H2AZ2: variants seen among roughly 807,000 people sequenced by gnomAD.
H2AZ2 encodes histone H2A.V.
H2AZ2 carries 5 observed loss-of-function variants against 15.5 expected under a neutral mutation model. That is an observed-to-expected ratio of 0.32 (90% CI 0.17 to 0.68). The LOEUF is 0.68. Ranked by LOEUF, H2AZ2 falls within the 30% of genes least tolerant of loss-of-function variation. The pLI, the probability that H2AZ2 is intolerant of heterozygous loss-of-function variation, is 0.72. For missense variants in H2AZ2, 42 were observed against 162.5 expected, an observed-to-expected ratio of 0.26 and a Z score of 4.03; for synonymous variants, 44 against 57.4, an observed-to-expected ratio of 0.77 and a Z score of 1.05.
chr7:44,838,640 G>C (rs1793191910), intron 3 of H2AZ2, among the ~76,000 whole-genome samples: 1 of 152,088 alleles, frequency 6.6e-6, no homozygotes, highest in Non-Finnish European at 1.5e-5. Context: ...GAGACAGAGA[G>C]AGATCCTGTC....
rs370336288 is a variant in H2AZ2 at position 44,833,290 on chromosome 7, T to C, written c.*1211A>G. Among the ~76,000 whole-genome samples, 5 of 152,310 alleles carry C rather than the reference T, an allele frequency of 3.3e-5. No homozygotes were observed. The East Asian group carries it at 9.7e-4, about 29-fold the overall frequency. On this transcript the variant is annotated 3_prime_UTR_variant, in exon 5 of 5. Transcript: ENST00000308153. ...GCTCAGTCGCCAAGCTGGAGTGCAG[T>C]GGCGCCATCTTGGCTCACTGCAAGC... is the stretch of plus-strand genomic sequence containing the variant.
intron 3 of H2AZ2, among the ~76,000 whole-genome samples, chr7:44,837,597 C>A (rs1793160186): frequency 6.7e-6 from 1 of 149,564 alleles, no homozygotes; most frequent in Non-Finnish European, 1.5e-5. Context: ...GTCAGGTAAT[C>A]ATCCCACCTC....
chr7:44,839,868 T>C (rs970741829), intron 3 of H2AZ2, among the ~76,000 whole-genome samples: 1 of 151,186 alleles, frequency 6.6e-6, no homozygotes, highest in Non-Finnish European at 1.5e-5. Context: ...CCGGGTGTAG[T>C]GGCGGGTGCC....
At position 44,837,028 on chromosome 7, in the gene H2AZ2, AAAC is replaced by A. The variant is rs201653137; in HGVS notation, c.196-1373_196-1371del. ...AAAACAAAAACAAAAACAAAAAACA[AAAC>A]AACAAAAAAAACAGACACAGGGTTT... On this transcript the variant is annotated intron_variant, in intron 3 of 4. Transcript: ENST00000308153. Among the ~76,000 whole-genome samples the A allele has an allele frequency of 7.7e-4, 116 of 150,564 alleles. No individual in the cohort carries two copies. The East Asian group carries it at 0.012, about 16-fold the overall frequency.
rs1453408986 is a variant in H2AZ2 at position 44,832,270 on chromosome 7, T to C, written c.*2231A>G. ...TTGGCATCAAAAAATGTTTTAGCAG[T>C]CTTACACAATGGTATTGTGGTTATG... On this transcript the variant is annotated 3_prime_UTR_variant, in exon 5 of 5. Coordinates refer to ENST00000308153, the MANE Select transcript of H2AZ2 (RefSeq NM_012412.5). Among the ~76,000 whole-genome samples the C allele has an allele frequency of 6.6e-6, 1 of 152,148 alleles. No individual in the cohort carries two copies. Among genetic ancestry groups the C allele is most frequent in the South Asian group, 2.1e-4 (1 of 4,832 alleles).
At chr7:44,847,042 A>G (rs1793429156) in intron 1 of H2AZ2, among the ~76,000 whole-genome samples, 1 of 152,204 alleles carries the variant, frequency 6.6e-6, no homozygotes, top group Non-Finnish European at 1.5e-5. Flanking sequence ...ATCTAATACT[A>G]TCTGCAGTAT....
rs1793464427 is a variant in H2AZ2 at position 44,848,085 on chromosome 7, C to CG, written c.-115dup. Reference sequence around the variant, plus strand: ...CCGCCGCCGGAGCCGGACAATACCCCGTGCCCGCCTCGCGCTGCTGTGGCC... The same window carrying CG: ...CCGCCGCCGGAGCCGGACAATACCCCGGTGCCCGCCTCGCGCTGCTGTGGCC... On this transcript the variant is annotated 5_prime_UTR_variant, in exon 1 of 5. Coordinates refer to ENST00000308153, the MANE Select transcript of H2AZ2 (RefSeq NM_012412.5). 3.6e-6 allele frequency: 2 copies of CG among 553,686 alleles called. No homozygotes were observed. The highest frequency in any genetic ancestry group is 4.0e-5 in the African/African-American group (2 of 50,328). 34.3% of individuals were successfully genotyped at this position (553,686 alleles called of 1,614,324 possible).
chr7:44,841,060 G>C (rs141883069), intron 2 of H2AZ2, 48 bp from the exon 3 acceptor site: 1 of 1,329,648 alleles, frequency 7.5e-7, no homozygotes, highest in East Asian at 2.3e-5. Flanking sequence ...TCTTAACATT[G>C]CACTGACTGT....
chr7:44,844,975 A>G (rs2117045383), intron 1 of H2AZ2, among the ~76,000 whole-genome samples: 1 of 152,276 alleles, frequency 6.6e-6, no homozygotes, highest in South Asian at 2.1e-4. Context: ...TTTTGCTTTT[A>G]CCATTTAAAC....
chr7:44,847,922 T>G, intron 1 of H2AZ2, 47 bp downstream of exon 1: 1 of 1,531,082 alleles, frequency 6.5e-7, no homozygotes, highest in South Asian at 1.2e-5. Context: ...GCCTCCGCGC[T>G]CTGCTCTCCC....
At chr7:44,840,869 G>T in intron 3 of H2AZ2, 30 bp downstream of exon 3, 2 of 1,455,916 alleles carry the variant, frequency 1.4e-6, no homozygotes, top group Non-Finnish European at 9.6e-7. Context: ...CTTCTGGATG[G>T]CCATATACAA....
downstream of H2AZ2, chr7:44,827,250 T>C (rs141326566): frequency 2.0e-5 from 3 of 152,336 alleles, no homozygotes; most frequent in African/African-American, 4.8e-5. Flanking sequence ...CAAAAGTACA[T>C]AGTAAGTCCA....
At chr7:44,837,209 C>T (rs1189585926) in intron 3 of H2AZ2, among the ~76,000 whole-genome samples, 2 of 151,628 alleles carry the variant, frequency 1.3e-5, no homozygotes, top group African/African-American at 2.4e-5. Context: ...GCCACCTCCT[C>T]GTTTTAAATA....
downstream of H2AZ2, chr7:44,830,074 T>C: frequency 6.8e-7 from 1 of 1,479,636 alleles, no homozygotes; most frequent in East Asian, 2.3e-5. Context: ...TCAGCACACA[T>C]CCCAGTAGAA....
At chr7:44,847,257 T>C (rs1291484264) in intron 1 of H2AZ2, among the ~76,000 whole-genome samples, 3 of 152,200 alleles carry the variant, frequency 2.0e-5, no homozygotes, top group Non-Finnish European at 4.4e-5. Flanking sequence ...TGAAGTTCTA[T>C]TCACTTTCAT....
intron 1 of H2AZ2, among the ~76,000 whole-genome samples, chr7:44,845,220 C>T (rs944729627): frequency 6.6e-6 from 1 of 152,064 alleles, no homozygotes; most frequent in Non-Finnish European, 1.5e-5. Flanking sequence ...CAGTAAAACC[C>T]TGGCAGGTAT....
At chr7:44,842,137 C>T (rs1009210203) in intron 2 of H2AZ2, among the ~76,000 whole-genome samples, 1 of 152,104 alleles carries the variant, frequency 6.6e-6, no homozygotes, top group Non-Finnish European at 1.5e-5. Context: ...TCCTTTGTAT[C>T]CTTAGTAACC....
At chr7:44,837,149 G>A (rs192071507) in intron 3 of H2AZ2, among the ~76,000 whole-genome samples, 5 of 151,986 alleles carry the variant, frequency 3.3e-5, no homozygotes, top group Non-Finnish European at 7.4e-5. Flanking sequence ...TGATCTGCCC[G>A]CCTTGGCCTC....
At position 44,848,007 on chromosome 7, in the gene H2AZ2, C is replaced by A. The variant is rs1793459512; in HGVS notation, c.-36G>T. On this transcript the variant is annotated 5_prime_UTR_variant, in exon 1 of 5. Coordinates refer to ENST00000308153, the MANE Select transcript of H2AZ2 (RefSeq NM_012412.5). ...CCGACTCCGCCTCCGCTCGGCCGCG[C>A]GCCCTCCCGCTGCCGACCCGCGCCG... 4.6e-6 allele frequency: 6 copies of A among 1,305,972 alleles called. No individual in the cohort carries two copies. The highest frequency in any genetic ancestry group is 5.8e-6 in the Non-Finnish European group (6 of 1,026,984). 80.9% of individuals were successfully genotyped at this position (1,305,972 alleles called of 1,614,324 possible).
Sources: gnomAD v4.1 joint callset for allele counts (sites outside exome capture counted in the v4.1 genomes callset) on GRCh38, gnomAD v4.1.1 for gene constraint, MANE v1.5 for transcripts, NCBI Gene and HGNC (gene_info 2026-07-23, HGNC 2026-07-21) for gene names.